Variants in KAZN observed in about 807,000 individuals in gnomAD.
KAZN encodes kazrin.
KAZN carries 40 observed loss-of-function variants against 87.4 expected under a neutral mutation model. That is an observed-to-expected ratio of 0.46 (90% CI 0.36 to 0.60). The LOEUF (loss-of-function observed/expected upper bound fraction) is 0.60, where lower values mean the gene tolerates loss of function less well. Among genes scored for constraint, KAZN ranks in the 20% least tolerant of loss-of-function variants. The pLI is 0.00. For missense variants in KAZN, 898 were observed against 1,073.9 expected (o/e 0.84, Z 2.29); for synonymous variants, 466 against 458.3 (o/e 1.02, Z -0.22).
At chr1:14,834,856 G>T (rs1198985263) in intron 1 of KAZN, among the ~76,000 whole-genome samples, 2 of 152,124 alleles carry the variant, frequency 1.3e-5, no homozygotes, top group Non-Finnish European at 2.9e-5. Context: ...TGAAATAGTG[G>T]CTATTGTTAT....
intron 2 of KAZN, among the ~76,000 whole-genome samples, chr1:15,029,080 G>A (rs976466016): frequency 8.5e-5 from 13 of 152,214 alleles, no homozygotes; most frequent in African/African-American, 3.1e-4. Context: ...GTGGGCATCT[G>A]TGTGCATCTT....
intron 2 of KAZN, among the ~76,000 whole-genome samples, chr1:14,342,772 T>A (rs964379717): frequency 2.6e-5 from 4 of 152,182 alleles, no homozygotes; most frequent in African/African-American, 9.7e-5. Context: ...GTGGGGGCCA[T>A]CAGAGGGAAC....
At chr1:14,551,555 C>T (rs939304609) in intron 2 of KAZN, among the ~76,000 whole-genome samples, 2 of 152,162 alleles carry the variant, frequency 1.3e-5, no homozygotes, top group African/African-American at 4.8e-5. Context: ...TAACAAAGCA[C>T]CACTATATCA....
chr1:14,558,372 G>A lies in KAZN; in HGVS notation c.250-40611G>A, dbSNP rs142668419. 4.1e-3 allele frequency among the ~76,000 whole-genome samples: 621 copies of A among 152,240 alleles called. 6 individuals are homozygous for A. The highest frequency in any genetic ancestry group is 0.014 in the African/African-American group (587 of 41,530). On this transcript the variant is annotated intron_variant, in intron 2 of 16. Coordinates refer to the KAZN transcript ENST00000636203. The stretch of plus-strand genomic sequence containing the variant: ...TCAGGAGCATGCAACCTCCCAAGAA[G>A]CAAGTAAACATCTTTTTTCTTTTTA...
intron 2 of KAZN, among the ~76,000 whole-genome samples, chr1:14,524,690 C>T (rs1163266824): frequency 2.0e-5 from 3 of 152,154 alleles, no homozygotes; most frequent in Non-Finnish European, 4.4e-5. Flanking sequence ...TAAAACCCAG[C>T]AAACTTCATG....
intron 1 of KAZN, among the ~76,000 whole-genome samples, chr1:13,916,723 T>A (rs1639865926): frequency 6.6e-6 from 1 of 152,114 alleles, no homozygotes; most frequent in Non-Finnish European, 1.5e-5. Flanking sequence ...CCTGAACTGA[T>A]GGCTGAACTG....
At chr1:14,453,957 T>C (rs1227991812) in intron 2 of KAZN, among the ~76,000 whole-genome samples, 1 of 152,130 alleles carries the variant, frequency 6.6e-6, no homozygotes, top group African/African-American at 2.4e-5. Context: ...AACAAAGACA[T>C]AAAAGGCCTT....
At chr1:14,533,708 A>G (rs894126435) in intron 2 of KAZN, among the ~76,000 whole-genome samples, 1 of 152,054 alleles carries the variant, frequency 6.6e-6, no homozygotes, top group African/African-American at 2.4e-5. Context: ...GTCCTTCACA[A>G]TTTTGCTCAG....
intron 2 of KAZN, among the ~76,000 whole-genome samples, chr1:14,986,041 A>G (rs1343428309): frequency 6.6e-6 from 1 of 151,118 alleles, no homozygotes; most frequent in Non-Finnish European, 1.5e-5. Flanking sequence ...AAAGACCCAC[A>G]GAAGGCAAAG....
intron 1 of KAZN, among the ~76,000 whole-genome samples, chr1:13,897,077 C>A (rs10927948): frequency 0.54 from 82,336 of 151,390 alleles, 22,860 homozygotes; most frequent in South Asian, 0.68. Context: ...CAAAGGTTGG[C>A]AAGCTACATC....
chr1:14,881,509 T>C (rs1404159870), intron 1 of KAZN, among the ~76,000 whole-genome samples: 1 of 152,244 alleles, frequency 6.6e-6, no homozygotes, highest in Non-Finnish European at 1.5e-5. Context: ...CATTTGTTCA[T>C]GTATCTCTTC....
At chr1:14,992,743 G>A (rs11812041) in intron 2 of KAZN, among the ~76,000 whole-genome samples, 55,508 of 151,776 alleles carry the variant, frequency 0.37, 11,304 homozygotes, top group African/African-American at 0.54. Flanking sequence ...TCCCGGGTTC[G>A]AGCGATTCTC....
At chr1:14,431,909 C>T (rs1049860190) in intron 2 of KAZN, among the ~76,000 whole-genome samples, 3 of 152,160 alleles carry the variant, frequency 2.0e-5, no homozygotes, top group South Asian at 2.1e-4. Flanking sequence ...GACGGCTTAT[C>T]GTGGGACTGT....
At chr1:13,903,521 A>G (rs1474453582) in intron 1 of KAZN, among the ~76,000 whole-genome samples, 1 of 152,216 alleles carries the variant, frequency 6.6e-6, no homozygotes, top group African/African-American at 2.4e-5. Context: ...ACTCCCATCG[A>G]AGGACAAAGA....
intron 2 of KAZN, among the ~76,000 whole-genome samples, chr1:14,275,556 T>C (rs1336713837): frequency 6.6e-6 from 1 of 152,022 alleles, no homozygotes; most frequent in Non-Finnish European, 1.5e-5. Flanking sequence ...CTTTGTGTAT[T>C]CTTTCGTTAC....
chr1:15,003,665 A>AG lies in KAZN; in HGVS notation c.419-31081dup, dbSNP rs1156353812. Among the ~76,000 whole-genome samples, 4 of 152,274 alleles carry AG rather than the reference A, an allele frequency of 2.6e-5. No individual in the cohort carries two copies. In the Middle Eastern group the frequency reaches 0.01, roughly 388 times the overall value. ...CTTTATGTTCACGTTCTAGCATGAA[A>AG]GGGAGCTTGGGAAAAGGGGTGGGGG... is the stretch of plus-strand genomic sequence containing the variant. On this transcript the variant is annotated intron_variant, in intron 2 of 14. Coordinates refer to ENST00000376030, the MANE Select transcript of KAZN (RefSeq NM_201628.3).
chr1:14,459,137 G>A (rs1044359468), intron 2 of KAZN, among the ~76,000 whole-genome samples: 2 of 152,136 alleles, frequency 1.3e-5, no homozygotes, highest in African/African-American at 4.8e-5. Flanking sequence ...CACTGAACAC[G>A]CAGGCTTCCT....
At chr1:14,777,250 C>A (rs567838550) in intron 1 of KAZN, among the ~76,000 whole-genome samples, 1 of 152,248 alleles carries the variant, frequency 6.6e-6, no homozygotes, top group South Asian at 2.1e-4. Context: ...CCTGCCTCAG[C>A]CTCCCAAAGT....
chr1:13,934,071 T>C (rs192043815), intron 1 of KAZN, among the ~76,000 whole-genome samples: 93 of 152,358 alleles, frequency 6.1e-4, no homozygotes, highest in African/African-American at 2.1e-3. Context: ...GTACCAGTCC[T>C]TTTAAATAAC....
Sources: gnomAD v4.1 joint callset for allele counts (sites outside exome capture counted in the v4.1 genomes callset) on GRCh38, gnomAD v4.1.1 for gene constraint, MANE v1.5 for transcripts, NCBI Gene and HGNC (gene_info 2026-07-23, HGNC 2026-07-21) for gene names.